GNS: variants seen among roughly 807,000 people sequenced by gnomAD.
GNS encodes the protein N-acetylglucosamine-6-sulfatase.
GNS carries 40 observed loss-of-function variants against 69.7 expected under a neutral mutation model. The observed-to-expected ratio is 0.57, with a 90% confidence interval of 0.45 to 0.75. GNS has a LOEUF of 0.75. Ranked by LOEUF, GNS falls within the 30% of genes least tolerant of loss-of-function variation. The probability of loss-of-function intolerance (pLI) is 0.00; values close to 1 mark genes in which losing one functional copy is unlikely to be tolerated. For synonymous variants in GNS, 243 were observed against 251.6 expected (o/e 0.97, Z 0.32); for missense variants, 565 against 685.5 (o/e 0.82, Z 1.96).
intron 2 of GNS, 81 bp from the exon 3 acceptor site, chr12:64,747,999 A>C: frequency 1.2e-6 from 1 of 813,378 alleles, no homozygotes; most frequent in South Asian, 1.4e-5. Context: ...AGTAAAGAAA[A>C]GCTCCTTAAT....
chr12:64,743,176 C>T lies in GNS; in HGVS notation c.757G>A (p.Ala253Thr). 1.2e-6 allele frequency: 2 copies of T among 1,613,644 alleles called. No individual in the cohort carries two copies. Among genetic ancestry groups the T allele is most frequent in the Non-Finnish European group, 1.7e-6 (2 of 1,179,630 alleles). The change falls in exon 6 of 14, where the codon GCA (alanine) becomes ACA (threonine). Residue 253 changes from alanine (A) to threonine (T), a missense_variant. Ala to Thr is a moderately conservative substitution (Grantham distance 58). Coordinates refer to ENST00000258145, the MANE Select transcript of GNS (RefSeq NM_002076.4). Reference sequence around the variant, plus strand: ...ATGTTGAAGTTCTTGTTTCTTGGTGCAAAGACATTCTGGAAAGCCTTCTGG... The same window carrying T: ...ATGTTGAAGTTCTTGTTTCTTGGTGTAAAGACATTCTGGAAAGCCTTCTGG... ...QYQKAFQNVF[A>T]PRNKNFNIHG...
chr12:64,737,521 G>A (rs1226404092), intron 8 of GNS, among the ~76,000 whole-genome samples: 2 of 152,104 alleles, frequency 1.3e-5, no homozygotes, highest in African/African-American at 4.8e-5. Flanking sequence ...AACTGATAAG[G>A]GGAAGTTCTT....
At chr12:64,721,917 T>G (rs1053664544) in intron 11 of GNS, among the ~76,000 whole-genome samples, 1 of 152,224 alleles carries the variant, frequency 6.6e-6, no homozygotes. Flanking sequence ...GTTCCATTTG[T>G]AGACTGTTGC....
In GNS at chr12:64,742,321, G is replaced by A. The variant is rs1396009499; in HGVS notation, c.792+820C>T. ...AGGCATGAGCCACTGCGCCCGGCCAGTACTCTAATTTAAAACACAGTTCAC... is the reference window on the plus strand; with the variant it reads ...AGGCATGAGCCACTGCGCCCGGCCAATACTCTAATTTAAAACACAGTTCAC... On this transcript the variant is annotated intron_variant, in intron 6 of 13. Transcript: ENST00000258145. Among the ~76,000 whole-genome samples, 3 of 152,192 alleles carry A rather than the reference G, an allele frequency of 2.0e-5. No individual in the cohort carries two copies. The East Asian group carries it at 5.8e-4, about 29-fold the overall frequency.
chr12:64,735,181 G>A (rs138794252), intron 9 of GNS, among the ~76,000 whole-genome samples: 28 of 152,308 alleles, frequency 1.8e-4, no homozygotes, highest in African/African-American at 6.0e-4. Flanking sequence ...GCTCCTTGGT[G>A]TACCGTGCTG....
Position 64,720,157 on chromosome 12 carries a change from G to A in GNS, c.1445C>T (p.Thr482Ile), listed in dbSNP as rs1868980631. Residue 482 changes from threonine (T) to isoleucine (I), a missense_variant, in exon 13 of 14, where the codon ACT (threonine) becomes ATT (isoleucine). Thr to Ile is a moderately conservative substitution (Grantham distance 89, BLOSUM62 -1). This residue lies in a region of GNS where 384 missense variants were observed against 511.0 expected (regional missense o/e 0.75). Transcript: ENST00000258145. ...GTTAGTGATCTGGTCTGGGTCTGCAGTCAGATTATAGACTTCTACAAACAC... is the reference window on the plus strand; with the variant it reads ...GTTAGTGATCTGGTCTGGGTCTGCAATCAGATTATAGACTTCTACAAACAC... Reference protein sequence around the residue: ...QEVFVEVYNLTADPDQITNIA... With the variant: ...QEVFVEVYNLIADPDQITNIA... 2 of 1,604,552 alleles carry A rather than the reference G, an allele frequency of 1.2e-6. No individual in the cohort carries two copies. The highest frequency in any genetic ancestry group is 2.7e-5 in the African/African-American group (2 of 74,806).
rs1869026201 is a variant in GNS, at chr12:64,721,503, C to G, written c.1419+92G>C. On this transcript the variant is annotated intron_variant, in intron 12 of 13. Coordinates refer to ENST00000258145, the MANE Select transcript of GNS (RefSeq NM_002076.4). ...GAAACACAACCTCTTCCCTAGGGAG[C>G]AGCCTTGGAATTGCTCTTATGCCAC... The G allele has an allele frequency of 6.5e-6, 5 of 774,158 alleles. No homozygotes were observed. The African/African-American group carries it at 8.5e-5, about 13-fold the overall frequency. The allele number at this position is 774,158 out of a possible 1,614,324, so 48.0% of individuals were successfully genotyped here. A position where few individuals can be genotyped will look rare whatever the true frequency, so the allele number is the denominator to read the frequency against.
At chr12:64,724,265 C>T (rs2136238409) in intron 10 of GNS, among the ~76,000 whole-genome samples, 1 of 152,328 alleles carries the variant, frequency 6.6e-6, no homozygotes, top group African/African-American at 2.4e-5. Context: ...CACCTGGAAA[C>T]TTGTCACAAA....
intron 7 of GNS, among the ~76,000 whole-genome samples, chr12:64,740,150 C>T (rs1439204096): frequency 6.6e-6 from 1 of 152,184 alleles, no homozygotes; most frequent in Non-Finnish European, 1.5e-5. Context: ...GTTTGCTTAT[C>T]CCTGGTCTAC....
At chr12:64,721,092 G>T (rs1026670699) in intron 12 of GNS, among the ~76,000 whole-genome samples, 27 of 152,336 alleles carry the variant, frequency 1.8e-4, no homozygotes, top group African/African-American at 6.3e-4. Context: ...TAAACAGTAA[G>T]AAACCACAAG....
At position 64,744,923 on chromosome 12, in the gene GNS, A is replaced by C. The variant is rs760573564; in HGVS notation, c.526-16T>G. ...AATTCTTTTCCTATTAAAAAGAGGA[A>C]AGTCAAATTTGTTATGAGGTCAGTG... is the stretch of plus-strand genomic sequence containing the variant. On this transcript the variant is annotated splice_polypyrimidine_tract_variant and intron_variant, in intron 4 of 13. Transcript: ENST00000258145. The C allele has an allele frequency of 1.6e-6, 2 of 1,215,920 alleles. No individual in the cohort carries two copies. The highest frequency in any genetic ancestry group is 3.4e-5 in the Admixed American group (2 of 59,582). The allele number at this position is 1,215,920 out of a possible 1,614,324, so 75.3% of individuals were successfully genotyped here.
At chr12:64,738,007 T>C (rs1194603951) in intron 8 of GNS, among the ~76,000 whole-genome samples, 1 of 151,630 alleles carries the variant, frequency 6.6e-6, no homozygotes, top group Non-Finnish European at 1.5e-5. Context: ...GGACTTTGCC[T>C]GCATCTTTTT....
intron 2 of GNS, among the ~76,000 whole-genome samples, chr12:64,752,471 A>T (rs1005998665): frequency 8.5e-5 from 13 of 152,242 alleles, no homozygotes; most frequent in Admixed American, 6.5e-4. Flanking sequence ...AAGGTTTAAA[A>T]TAAAATTCTC....
chr12:64,748,649 T>C (rs964436589), intron 2 of GNS, among the ~76,000 whole-genome samples: 7 of 152,184 alleles, frequency 4.6e-5, no homozygotes, highest in African/African-American at 1.7e-4. Flanking sequence ...TCCTATATCA[T>C]TTTATACACT....
chr12:64,759,380 C>T lies in GNS; in HGVS notation c.-104G>A, dbSNP rs2136259816. On this transcript the variant is annotated 5_prime_UTR_variant, in exon 1 of 14. Transcript: ENST00000258145. ...CAGCCGAAGGAATAAAAAGCCGTGCCTTGAAGGCCGGTGGCTGGAGTCAGA... is the reference window on the plus strand; with the variant it reads ...CAGCCGAAGGAATAAAAAGCCGTGCTTTGAAGGCCGGTGGCTGGAGTCAGA... 2 of 774,528 alleles carry T rather than the reference C, an allele frequency of 2.6e-6. No homozygotes were observed. Among genetic ancestry groups the T allele is most frequent in the South Asian group, 3.7e-5 (2 of 53,492 alleles). 48.0% of individuals were successfully genotyped at this position (774,528 alleles called of 1,614,324 possible).
chr12:64,757,451 A>T (rs945926712), intron 1 of GNS, among the ~76,000 whole-genome samples: 1 of 152,200 alleles, frequency 6.6e-6, no homozygotes, highest in African/African-American at 2.4e-5. Context: ...TTTTGTGAGC[A>T]GACAAGTAAG....
intron 9 of GNS, among the ~76,000 whole-genome samples, chr12:64,732,593 T>G (rs1454546006): frequency 3.3e-5 from 5 of 151,700 alleles, no homozygotes; most frequent in Non-Finnish European, 1.5e-5. Flanking sequence ...CCCGAGTAAC[T>G]GGGACTATAG....
chr12:64,741,974 A>G (rs1303149362), intron 6 of GNS, among the ~76,000 whole-genome samples: 1 of 152,134 alleles, frequency 6.6e-6, no homozygotes, highest in Non-Finnish European at 1.5e-5. Context: ...CTATTTTACT[A>G]TTTTTTAATT....
rs961321163 is a variant in GNS at position 64,733,297 on chromosome 12, C to CAAAAAA, written c.1098+3701_1098+3706dup. On this transcript the variant is annotated intron_variant, in intron 9 of 13. Transcript: ENST00000258145. Reference sequence around the variant, plus strand: ...TAAGTTACAGAGCAAGACCCTGTCTCAAAAAAAAAAAAAAAAAAAAAAAAA... The same window carrying CAAAAAA: ...TAAGTTACAGAGCAAGACCCTGTCTCAAAAAAAAAAAAAAAAAAAAAAAAAAAAAAA... 7.5e-4 allele frequency among the ~76,000 whole-genome samples: 20 copies of CAAAAAA among 26,642 alleles called. 1 individual carries two copies. The highest frequency in any genetic ancestry group is 2.1e-3 in the South Asian group (1 of 478). 17.5% of individuals were successfully genotyped at this position (26,642 alleles called of 152,430 possible). A position where few individuals can be genotyped will look rare whatever the true frequency, so the allele number is the denominator to read the frequency against.
Sources: allele counts gnomAD v4.1 joint callset (sites outside exome capture counted in the v4.1 genomes callset), GRCh38; gene constraint gnomAD v4.1.1; regional missense constraint gnomAD v4.1.1; transcripts MANE v1.5; gene names NCBI Gene and HGNC (gene_info 2026-07-23, HGNC 2026-07-21).